The following CADM1 variants were observed in gnomAD, a reference collection of about 807,000 sequenced individuals.
The protein encoded by CADM1 is TSLC-1.
Under a neutral mutation model 53.1 loss-of-function variants are expected in CADM1, and 15 were observed. The ratio of observed to expected loss-of-function variants is 0.28; its 90% CI spans 0.19 to 0.44. The LOEUF (loss-of-function observed/expected upper bound fraction) is 0.44, where lower values mean the gene tolerates loss of function less well. CADM1 is among the 20% of genes least tolerant of loss of function. The pLI, the probability that CADM1 is intolerant of heterozygous loss-of-function variation, is 1.00. For synonymous variants in CADM1, 281 were observed against 243.0 expected, an observed-to-expected ratio of 1.16 and a Z score of -1.45; for missense variants, 434 against 611.3, an observed-to-expected ratio of 0.71 and a Z score of 3.06.
intron 1 of CADM1, among the ~76,000 whole-genome samples, chr11:115,474,812 C>T (rs1012225366): frequency 4.0e-5 from 6 of 151,892 alleles, no homozygotes; most frequent in African/African-American, 1.5e-4. Context: ...CAAACCTGCA[C>T]GTTGTGCACA....
At chr11:115,487,772 T>C (rs1949408508) in intron 1 of CADM1, among the ~76,000 whole-genome samples, 1 of 152,210 alleles carries the variant, frequency 6.6e-6, no homozygotes, top group Non-Finnish European at 1.5e-5. Context: ...TGTTTTTAAA[T>C]AGGATGCTTG....
chr11:115,206,817 G>GAAT (rs1386796562), intron 8 of CADM1, among the ~76,000 whole-genome samples: 2 of 79,768 alleles, frequency 2.5e-5, no homozygotes, highest in Admixed American at 3.9e-4. Context: ...TACTGTCACC[G>GAAT]AATTTGGCTG....
intron 1 of CADM1, among the ~76,000 whole-genome samples, chr11:115,400,785 A>T (rs184162573): frequency 6.7e-6 from 1 of 149,534 alleles, no homozygotes; most frequent in African/African-American, 2.5e-5. Context: ...CAAATTAAAC[A>T]ACAATGATGT....
At chr11:115,405,247 C>G (rs1435184304) in intron 1 of CADM1, among the ~76,000 whole-genome samples, 1 of 152,158 alleles carries the variant, frequency 6.6e-6, no homozygotes, top group Non-Finnish European at 1.5e-5. Flanking sequence ...GCCAGTGTGT[C>G]CAGCAGAAAT....
intron 1 of CADM1, among the ~76,000 whole-genome samples, chr11:115,454,766 AT>A (rs1948647904): frequency 6.6e-6 from 1 of 152,174 alleles, no homozygotes; most frequent in Admixed American, 6.5e-5. Flanking sequence ...CCAAGAGTTC[AT>A]TTTAGGTCAG....
intron 1 of CADM1, among the ~76,000 whole-genome samples, chr11:115,426,309 A>G (rs1371547240): frequency 2.0e-5 from 3 of 152,190 alleles, no homozygotes; most frequent in African/African-American, 4.8e-5. Context: ...TAGTAGTAGT[A>G]ACAAGACACA....
At chr11:115,243,085 CATTCTT>C (rs1942297058) in intron 1 of CADM1, among the ~76,000 whole-genome samples, 1 of 152,150 alleles carries the variant, frequency 6.6e-6, no homozygotes, top group African/African-American at 2.4e-5. Context: ...TTTCTAGAAA[CATTCTT>C]AATCACTTAT....
chr11:115,429,005 A>G (rs2135290114), intron 1 of CADM1, among the ~76,000 whole-genome samples: 1 of 152,300 alleles, frequency 6.6e-6, no homozygotes, highest in South Asian at 2.1e-4. Context: ...ACAAGGGAGT[A>G]TCTAAGTCAC....
chr11:115,281,218 G>A (rs1943575174), intron 1 of CADM1, among the ~76,000 whole-genome samples: 1 of 152,192 alleles, frequency 6.6e-6, no homozygotes, highest in African/African-American at 2.4e-5. Context: ...GTTGTGTCAA[G>A]CTATTCTGAA....
intron 10 of CADM1, among the ~76,000 whole-genome samples, chr11:115,189,134 G>A (rs958246594): frequency 6.6e-6 from 1 of 152,148 alleles, no homozygotes; most frequent in Non-Finnish European, 1.5e-5. Flanking sequence ...GAGTGGGGGA[G>A]GGGGACAACA....
chr11:115,213,635 A>T (rs1221704544), intron 7 of CADM1, among the ~76,000 whole-genome samples: 3 of 152,338 alleles, frequency 2.0e-5, no homozygotes, highest in African/African-American at 7.2e-5. Flanking sequence ...TGTGGTGTGG[A>T]TATTTCAAAG....
At chr11:115,200,414 C>T (rs746949554) in intron 8 of CADM1, among the ~76,000 whole-genome samples, 4 of 152,194 alleles carry the variant, frequency 2.6e-5, no homozygotes, top group Admixed American at 6.5e-5. Flanking sequence ...AGATAGGCAT[C>T]GGCTCCTTTC....
intron 1 of CADM1, among the ~76,000 whole-genome samples, chr11:115,268,417 T>C (rs1334967185): frequency 5.3e-5 from 8 of 152,168 alleles, no homozygotes; most frequent in African/African-American, 1.9e-4. Flanking sequence ...AAACCAATCC[T>C]CACCACCACA....
intron 1 of CADM1, among the ~76,000 whole-genome samples, chr11:115,302,509 T>C (rs1026243949): frequency 1.3e-5 from 2 of 152,094 alleles, no homozygotes; most frequent in African/African-American, 4.8e-5. Flanking sequence ...TATCAGGCAA[T>C]TCAAACCATT....
At chr11:115,459,958 C>T (rs572888265) in intron 1 of CADM1, among the ~76,000 whole-genome samples, 1 of 152,148 alleles carries the variant, frequency 6.6e-6, no homozygotes, top group South Asian at 2.1e-4. Flanking sequence ...TCTATTAAAC[C>T]CTCTACTGAT....
intron 1 of CADM1, among the ~76,000 whole-genome samples, chr11:115,272,156 A>G (rs1591659636): frequency 6.6e-6 from 1 of 152,056 alleles, no homozygotes; most frequent in South Asian, 2.1e-4. Flanking sequence ...TCACAGATGC[A>G]TTATTAAAAT....
At chr11:115,315,924 C>T (rs534285835) in intron 1 of CADM1, among the ~76,000 whole-genome samples, 1 of 152,242 alleles carries the variant, frequency 6.6e-6, no homozygotes, top group East Asian at 1.9e-4. Context: ...AATTTTCATT[C>T]AACTGGGAGG....
At chr11:115,448,054 A>T (rs1948491157) in intron 1 of CADM1, among the ~76,000 whole-genome samples, 1 of 152,110 alleles carries the variant, frequency 6.6e-6, no homozygotes, top group Non-Finnish European at 1.5e-5. Flanking sequence ...AGCTTTCCCT[A>T]TTCAAATTAC....
At chr11:115,427,553 G>A (rs1371905154) in intron 1 of CADM1, among the ~76,000 whole-genome samples, 1 of 152,096 alleles carries the variant, frequency 6.6e-6, no homozygotes, top group African/African-American at 2.4e-5. Flanking sequence ...TGATAGATAT[G>A]GGGGCAAACA....
Sources: allele counts gnomAD v4.1 joint callset (sites outside exome capture counted in the v4.1 genomes callset), GRCh38; gene constraint gnomAD v4.1.1; transcripts MANE v1.5; gene names NCBI Gene and HGNC (gene_info 2026-07-23, HGNC 2026-07-21).